CFAP299: variants seen among roughly 807,000 people sequenced by gnomAD.
CFAP299 encodes the protein cilia- and flagella-associated protein 299.
CFAP299 carries 21 observed loss-of-function variants against 27.0 expected under a neutral mutation model. The ratio of observed to expected loss-of-function variants is 0.78; its 90% confidence interval spans 0.55 to 1.12. The LOEUF (loss-of-function observed/expected upper bound fraction) is 1.12. Ranked by LOEUF, CFAP299 falls within the 50% of genes most tolerant of loss-of-function variation. The pLI is 0.00. For synonymous variants in CFAP299, 104 were observed against 98.1 expected, an observed-to-expected ratio of 1.06 and a Z score of -0.36; for missense variants, 310 against 276.6, an observed-to-expected ratio of 1.12 and a Z score of -0.86.
intron 3 of CFAP299, among the ~76,000 whole-genome samples, chr4:80,713,459 G>A (rs1196779656): frequency 2.6e-5 from 4 of 152,158 alleles, no homozygotes; most frequent in Admixed American, 6.5e-5. Flanking sequence ...AAAATAAATT[G>A]CTTTCTATAA....
At chr4:80,960,565 C>T (rs1222257777) in intron 5 of CFAP299, among the ~76,000 whole-genome samples, 1 of 151,786 alleles carries the variant, frequency 6.6e-6, no homozygotes, top group African/African-American at 2.4e-5. Context: ...CTGAAAACCA[C>T]TACTCTATAT....
chr4:80,571,819 G>C (rs1002010980), intron 2 of CFAP299, among the ~76,000 whole-genome samples: 1 of 152,068 alleles, frequency 6.6e-6, no homozygotes, highest in African/African-American at 2.4e-5. Context: ...GCCTGTACCA[G>C]AACACAACCA....
chr4:80,634,005 T>TTA, intron 3 of CFAP299, among the ~76,000 whole-genome samples: 1 of 148,952 alleles, frequency 6.7e-6, no homozygotes, highest in African/African-American at 2.5e-5. Context: ...TTTTTTTTTT[T>TTA]ACGAAATCTA....
At chr4:80,799,210 ATAT>A (rs1310980152) in intron 3 of CFAP299, among the ~76,000 whole-genome samples, 12 of 114,472 alleles carry the variant, frequency 1.0e-4, no homozygotes, top group African/African-American at 4.2e-4. Flanking sequence ...ATTTATATAT[ATAT>A]TGTATAAATA....
chr4:80,782,648 GA>G (rs1726969904), intron 3 of CFAP299, among the ~76,000 whole-genome samples: 1 of 95,948 alleles, frequency 1.0e-5, no homozygotes, highest in African/African-American at 4.3e-5. Context: ...ATACATATAT[GA>G]ATATATAATA....
intron 2 of CFAP299, among the ~76,000 whole-genome samples, chr4:80,436,470 G>GCT (rs1436103254): frequency 6.6e-6 from 1 of 151,806 alleles, no homozygotes; most frequent in Admixed American, 6.6e-5. Context: ...GGCTAATTTT[G>GCT]TTTTGTATGT....
At chr4:80,458,334 G>A (rs559287036) in intron 2 of CFAP299, among the ~76,000 whole-genome samples, 5 of 152,296 alleles carry the variant, frequency 3.3e-5, no homozygotes, top group South Asian at 2.1e-4. Flanking sequence ...CCCAGGCTGC[G>A]GCGCATGCCA....
chr4:80,949,055 T>A (rs1010748050), intron 5 of CFAP299, among the ~76,000 whole-genome samples: 1 of 152,138 alleles, frequency 6.6e-6, no homozygotes, highest in African/African-American at 2.4e-5. Context: ...TCTTGTGCAG[T>A]CCCAGAAATA....
At chr4:80,678,587 A>G (rs1719627368) in intron 3 of CFAP299, among the ~76,000 whole-genome samples, 1 of 152,048 alleles carries the variant, frequency 6.6e-6, no homozygotes, top group Non-Finnish European at 1.5e-5. Context: ...ACACCTAATG[A>G]GTGGCTGAGT....
intron 2 of CFAP299, among the ~76,000 whole-genome samples, chr4:80,568,608 A>C (rs1288053263): frequency 1.3e-5 from 2 of 152,110 alleles, no homozygotes; most frequent in Non-Finnish European, 2.9e-5. Flanking sequence ...TATGTTATAT[A>C]TTATAGTAAC....
intron 4 of CFAP299, among the ~76,000 whole-genome samples, chr4:80,912,608 G>A (rs1735535458): frequency 6.6e-6 from 1 of 152,152 alleles, no homozygotes; most frequent in African/African-American, 2.4e-5. Context: ...ACAAGGGAGA[G>A]GTGACACACT....
chr4:80,942,857 C>A, intron 4 of CFAP299, among the ~76,000 whole-genome samples: 1 of 152,128 alleles, frequency 6.6e-6, no homozygotes. Context: ...TGGCAATATC[C>A]TAACTGAAAA....
intron 3 of CFAP299, among the ~76,000 whole-genome samples, chr4:80,687,714 T>G (rs1005620619): frequency 2.6e-5 from 4 of 152,104 alleles, no homozygotes; most frequent in Non-Finnish European, 5.9e-5. Context: ...ACAGCTCCGG[T>G]CTACAGCTCC....
At chr4:80,328,844 A>C in the CFAP299 span, among the ~76,000 whole-genome samples, 19 of 152,192 alleles carry the variant, frequency 1.2e-4, no homozygotes, top group Non-Finnish European at 2.8e-4. Flanking sequence ...CTCAGAGCCC[A>C]TCCAGTCCTA....
At chr4:80,867,671 C>A (rs1732825320) in intron 3 of CFAP299, among the ~76,000 whole-genome samples, 1 of 152,190 alleles carries the variant, frequency 6.6e-6, no homozygotes, top group Admixed American at 6.5e-5. Context: ...ACTCTGTGCA[C>A]CTGCACCCTG....
intron 3 of CFAP299, among the ~76,000 whole-genome samples, chr4:80,740,370 C>T (rs920607855): frequency 2.6e-5 from 4 of 152,190 alleles, no homozygotes; most frequent in Admixed American, 2.0e-4. Context: ...TTTGCTGACT[C>T]GCAGAGATAC....
At chr4:80,673,575 T>C (rs1272428937) in intron 3 of CFAP299, among the ~76,000 whole-genome samples, 2 of 152,180 alleles carry the variant, frequency 1.3e-5, no homozygotes, top group South Asian at 2.1e-4. Context: ...ATTAACCTTC[T>C]GTCTTGGTCT....
rs1387885616 is a variant in CFAP299 at position 80,485,690 on chromosome 4, AAAGAG to A, written c.243-97400_243-97396del. Among the ~76,000 whole-genome samples, 3 of 152,302 alleles carry A rather than the reference AAAGAG, an allele frequency of 2.0e-5. No individual in the cohort carries two copies. The East Asian group carries it at 5.8e-4, about 29-fold the overall frequency. The stretch of plus-strand genomic sequence containing the variant: ...ATTTGCTTTAAGATAATAGAGAGCT[AAAGAG>A]AAAAGGAAAGAAAAAAGGATAGATG... On this transcript the variant is annotated intron_variant, in intron 2 of 5. Transcript: ENST00000358105.
chr4:80,924,538 G>GTATATATATATATATATATA (rs1553906748), intron 4 of CFAP299, among the ~76,000 whole-genome samples: 1 of 131,670 alleles, frequency 7.6e-6, no homozygotes, highest in African/African-American at 3.1e-5. Flanking sequence ...GTGTGTGTGT[G>GTATATATATATATATATATA]TATATATATA....
Sources: allele counts gnomAD v4.1 joint callset (sites outside exome capture counted in the v4.1 genomes callset), GRCh38; gene constraint gnomAD v4.1.1; transcripts MANE v1.5; gene names NCBI Gene and HGNC (gene_info 2026-07-23, HGNC 2026-07-21).